The following PLXDC2 variants were observed in gnomAD, a reference collection of about 807,000 sequenced individuals.
PLXDC2 encodes the protein plexin domain-containing protein 2.
PLXDC2 carries 40 observed loss-of-function variants against 68.9 expected under a neutral mutation model. The ratio of observed to expected loss-of-function variants is 0.58; its 90% confidence interval spans 0.45 to 0.76. PLXDC2 has a LOEUF of 0.76. Ranked by LOEUF, PLXDC2 falls within the 30% of genes least tolerant of loss-of-function variation. The pLI is 0.00. For synonymous variants in PLXDC2, 243 were observed against 234.2 expected, an observed-to-expected ratio of 1.04 and a Z score of -0.34; for missense variants, 644 against 661.9, an observed-to-expected ratio of 0.97 and a Z score of 0.30.
At chr10:19,907,807 A>T (rs1833191915) in intron 1 of PLXDC2, among the ~76,000 whole-genome samples, 1 of 152,210 alleles carries the variant, frequency 6.6e-6, no homozygotes, top group South Asian at 2.1e-4. Context: ...CGGACTGGCT[A>T]ATAACAGACT....
intron 9 of PLXDC2, among the ~76,000 whole-genome samples, chr10:20,193,090 C>T (rs1345891033): frequency 6.6e-6 from 1 of 152,034 alleles, no homozygotes; most frequent in Non-Finnish European, 1.5e-5. Context: ...GGACATCCTC[C>T]AGTCATCCCT....
intron 3 of PLXDC2, among the ~76,000 whole-genome samples, chr10:20,061,215 A>G (rs1176846487): frequency 6.6e-6 from 1 of 152,146 alleles, no homozygotes; most frequent in Non-Finnish European, 1.5e-5. Context: ...TTTCTTATTC[A>G]AGATCCAACC....
At chr10:20,274,788 G>A (rs1454095613) in intron 13 of PLXDC2, among the ~76,000 whole-genome samples, 1 of 151,108 alleles carries the variant, frequency 6.6e-6, no homozygotes, top group Non-Finnish European at 1.5e-5. Flanking sequence ...GGTTTCCCTG[G>A]CCAGGACCCA....
At position 19,910,873 on chromosome 10, in the gene PLXDC2, G is replaced by T. The variant is rs144952027; in HGVS notation, c.113-90902G>T. Among the ~76,000 whole-genome samples, 892 of 152,092 alleles carry T rather than the reference G, an allele frequency of 5.9e-3. 7 individuals carry two copies. Among genetic ancestry groups the T allele is most frequent in the African/African-American group, 0.021 (862 of 41,496 alleles). ...AAAATACAAAAAATTAGCCTGGTGT[G>T]GTGGCAGGTGCCTGTAATCCCAGTT... is the stretch of plus-strand genomic sequence containing the variant. On this transcript the variant is annotated intron_variant, in intron 1 of 13. Coordinates refer to ENST00000377252, the MANE Select transcript of PLXDC2 (RefSeq NM_032812.9).
chr10:19,875,303 C>T (rs964949206), intron 1 of PLXDC2, among the ~76,000 whole-genome samples: 3 of 152,128 alleles, frequency 2.0e-5, no homozygotes, highest in Admixed American at 6.5e-5. Context: ...CAGTTTTACT[C>T]ATTGACTGTG....
chr10:20,111,385 A>G (rs1017549133), intron 4 of PLXDC2, among the ~76,000 whole-genome samples: 6 of 152,344 alleles, frequency 3.9e-5, no homozygotes, highest in Non-Finnish European at 4.4e-5. Context: ...CTAATATTAC[A>G]ATATTTTATC....
In PLXDC2 at chr10:20,001,704, T is replaced by C. The variant is rs921928380; in HGVS notation, c.113-71T>C. On this transcript the variant is annotated intron_variant, in intron 1 of 13. Coordinates refer to ENST00000377252, the MANE Select transcript of PLXDC2 (RefSeq NM_032812.9). The stretch of plus-strand genomic sequence containing the variant: ...TGCCTCACAGAATTCTTTTTTCTTC[T>C]CGAGCCGATAGCACTTGCATGTATG... 4.3e-6 allele frequency: 6 copies of C among 1,403,772 alleles called. No homozygotes were observed. The South Asian group carries it at 6.1e-5, about 14-fold the overall frequency. 87.0% of individuals were successfully genotyped at this position (1,403,772 alleles called of 1,614,324 possible). A position where few individuals can be genotyped will look rare whatever the true frequency, so the allele number is the denominator to read the frequency against.
chr10:20,204,646 C>T (rs1195770138), intron 9 of PLXDC2, among the ~76,000 whole-genome samples: 1 of 152,066 alleles, frequency 6.6e-6, no homozygotes, highest in Non-Finnish European at 1.5e-5. Context: ...ACATATAGAG[C>T]ATAGTTAAGC....
intron 9 of PLXDC2, among the ~76,000 whole-genome samples, chr10:20,210,998 T>C (rs1224895328): frequency 6.6e-6 from 1 of 152,064 alleles, no homozygotes; most frequent in Admixed American, 6.6e-5. Flanking sequence ...GGGTCCCAAG[T>C]AAATGAAGTC....
chr10:19,883,818 C>G (rs937205636), intron 1 of PLXDC2, among the ~76,000 whole-genome samples: 1 of 146,976 alleles, frequency 6.8e-6, no homozygotes, highest in African/African-American at 2.5e-5. Flanking sequence ...CTTGTTAGTG[C>G]TACGGAAGGG....
intron 3 of PLXDC2, among the ~76,000 whole-genome samples, chr10:20,059,798 G>C (rs971527751): frequency 6.6e-6 from 1 of 151,990 alleles, no homozygotes; most frequent in Non-Finnish European, 1.5e-5. Context: ...AATTCTACAT[G>C]GTAAAAGCAT....
chr10:20,023,610 C>A (rs893403588), intron 2 of PLXDC2, among the ~76,000 whole-genome samples: 3 of 152,080 alleles, frequency 2.0e-5, no homozygotes, highest in Non-Finnish European at 4.4e-5. Context: ...AATGCTGCCC[C>A]TTCCATCTTG....
chr10:19,958,338 A>G (rs1455025319), intron 1 of PLXDC2, among the ~76,000 whole-genome samples: 1 of 152,072 alleles, frequency 6.6e-6, no homozygotes, highest in African/African-American at 2.4e-5. Context: ...GAACGTTTAG[A>G]TTCCTTTCTG....
At chr10:19,961,248 T>C (rs550708308) in intron 1 of PLXDC2, among the ~76,000 whole-genome samples, 1 of 152,200 alleles carries the variant, frequency 6.6e-6, no homozygotes, top group Non-Finnish European at 1.5e-5. Context: ...AAGATCAAAA[T>C]AGAAGTCATT....
intron 1 of PLXDC2, among the ~76,000 whole-genome samples, chr10:19,910,712 A>G (rs1833254439): frequency 6.6e-6 from 1 of 150,824 alleles, no homozygotes; most frequent in Non-Finnish European, 1.5e-5. Flanking sequence ...GCCACTATCT[A>G]AGAATAGCCT....
At chr10:20,038,666 G>C (rs548713958) in intron 2 of PLXDC2, among the ~76,000 whole-genome samples, 2 of 152,086 alleles carry the variant, frequency 1.3e-5, no homozygotes, top group African/African-American at 4.8e-5. Flanking sequence ...CTGTTCTTAG[G>C]CTTTTCAAAT....
intron 13 of PLXDC2, among the ~76,000 whole-genome samples, chr10:20,256,040 T>TAACATAATACTTAAAATTA (rs1361817805): frequency 6.6e-6 from 1 of 152,174 alleles, no homozygotes; most frequent in Non-Finnish European, 1.5e-5. Context: ...GTATTCTAAT[T>TAACATAATACTTAAAATTA]AACATAATAC....
At chr10:19,851,176 A>G (rs1837111001) in intron 1 of PLXDC2, among the ~76,000 whole-genome samples, 1 of 152,214 alleles carries the variant, frequency 6.6e-6, no homozygotes. Flanking sequence ...AAGGAAGGTC[A>G]AATCTCAGGA....
At chr10:19,859,826 G>C (rs1430149178) in intron 1 of PLXDC2, among the ~76,000 whole-genome samples, 1 of 152,078 alleles carries the variant, frequency 6.6e-6, no homozygotes, top group Non-Finnish European at 1.5e-5. Context: ...TCCTCTCCTG[G>C]GTTCAAGCGA....
Sources: allele counts gnomAD v4.1 joint callset (sites outside exome capture counted in the v4.1 genomes callset), GRCh38; gene constraint gnomAD v4.1.1; transcripts MANE v1.5; gene names NCBI Gene and HGNC (gene_info 2026-07-23, HGNC 2026-07-21).